The following CUL2 variants were observed in gnomAD, a reference collection of about 807,000 sequenced individuals.
CUL2 encodes the protein cullin 2.
CUL2 carries 22 observed loss-of-function variants against 110.2 expected under a neutral mutation model. That is an observed-to-expected ratio of 0.20 (90% CI 0.14 to 0.28). The LOEUF (loss-of-function observed/expected upper bound fraction) is 0.28, where lower values mean the gene tolerates loss of function less well. Ranked by LOEUF, CUL2 falls within the 10% of genes least tolerant of loss-of-function variation. The pLI is 1.00. For missense variants in CUL2, 631 were observed against 905.5 expected (o/e 0.70, Z 3.89); for synonymous variants, 279 against 293.2 (o/e 0.95, Z 0.49).
rs2086423786 is a variant in CUL2 at position 35,063,040 on chromosome 10, C to A, written c.142G>T (p.Ala48Ser). ...RFSDIYALCV[A>S]YPEPLGERLY... ...CTTTCTCCAAGGGGTTCAGGATAGG[C>A]CACACATAAAGCATAGATATCTCTA... Residue 48 changes from alanine to serine, a missense_variant, in exon 3 of 21, where the codon GCC becomes TCC. By Grantham distance (99) the Ala-to-Ser change is moderately conservative (BLOSUM62 1). Transcript: ENST00000374749. 1 of 1,599,874 alleles carries A rather than the reference C, an allele frequency of 6.3e-7. No individual in the cohort carries two copies. The highest frequency in any genetic ancestry group is 8.6e-7 in the Non-Finnish European group (1 of 1,168,574).
intron 6 of CUL2, 139 bp from the exon 7 acceptor site, chr10:35,045,007 A>C (rs1588991895): frequency 1.7e-6 from 1 of 573,028 alleles, no homozygotes; most frequent in Non-Finnish European, 3.1e-6. Flanking sequence ...ACATGCATGA[A>C]TCTTAACAAT....
At chr10:35,063,570 A>G (rs1426141760) in intron 2 of CUL2, among the ~76,000 whole-genome samples, 1 of 152,170 alleles carries the variant, frequency 6.6e-6, no homozygotes, top group East Asian at 1.9e-4. Context: ...TTATTCTATC[A>G]GAAGAAATAT....
intron 1 of CUL2, among the ~76,000 whole-genome samples, chr10:35,074,705 C>T (rs138403020): frequency 1.3e-5 from 2 of 152,270 alleles, no homozygotes; most frequent in East Asian, 3.9e-4. Flanking sequence ...AGGCTGGTCT[C>T]GAACTCCTGA....
chr10:35,022,030 T>C (rs183396664), intron 17 of CUL2, among the ~76,000 whole-genome samples: 44 of 152,286 alleles, frequency 2.9e-4, no homozygotes, highest in African/African-American at 9.4e-4. Context: ...TGATATGCCC[T>C]GGGCTGGCCT....
At chr10:35,026,414 CA>C (rs2085336838) in intron 16 of CUL2, among the ~76,000 whole-genome samples, 1 of 152,134 alleles carries the variant, frequency 6.6e-6, no homozygotes, top group African/African-American at 2.4e-5. Flanking sequence ...TGAATCTGGA[CA>C]AAAGCAAAAT....
upstream of CUL2, among the ~76,000 whole-genome samples, chr10:35,095,322 CAAAAAAAAA>C (rs528275472): frequency 9.7e-6 from 1 of 102,922 alleles, no homozygotes; most frequent in African/African-American, 3.4e-5. Context: ...GACTCCATCT[CAAAAAAAAA>C]AAAAAAGAAA....
intron 15 of CUL2, 22 bp from the exon 16 acceptor site, chr10:35,028,909 A>G: frequency 1.4e-6 from 2 of 1,426,750 alleles, no homozygotes; most frequent in South Asian, 1.2e-5. Flanking sequence ...AAAATAAAAT[A>G]AAATAAGCTA....
intron 4 of CUL2, among the ~76,000 whole-genome samples, chr10:35,060,332 C>A (rs2086349704): frequency 6.6e-6 from 1 of 151,994 alleles, no homozygotes; most frequent in African/African-American, 2.4e-5. Context: ...GCAATCCAGG[C>A]AGATGGAACA....
chr10:35,059,539 A>G (rs1394130632), intron 4 of CUL2, among the ~76,000 whole-genome samples: 1 of 152,248 alleles, frequency 6.6e-6, no homozygotes, highest in Non-Finnish European at 1.5e-5. Context: ...AACAGACTAC[A>G]GTATAGCATA....
chr10:35,049,590 G>T, intron 6 of CUL2, 93 bp downstream of exon 6: 1 of 962,428 alleles, frequency 1.0e-6, no homozygotes, highest in Non-Finnish European at 1.6e-6. Context: ...CCAGCCCCAA[G>T]GCTAGTCACT....
intron 4 of CUL2, 140 bp from the exon 5 acceptor site, chr10:35,054,679 A>G (rs1183539205): frequency 8.0e-6 from 4 of 502,080 alleles, no homozygotes; most frequent in Non-Finnish European, 1.0e-5. Flanking sequence ...GAAATGAATT[A>G]TGTAGAGATT....
rs1331614679 is a variant in CUL2 at position 35,085,676 on chromosome 10, G to A, written c.-23+4503C>T. 5.7e-5 allele frequency among the ~76,000 whole-genome samples: 7 copies of A among 123,586 alleles called. No individual in the cohort carries two copies. The Admixed American group carries it at 6.2e-4, about 11-fold the overall frequency. 81.1% of individuals were successfully genotyped at this position (123,586 alleles called of 152,430 possible). Reference sequence around the variant, plus strand: ...GAATGGTGTGAACCCGGGAACCAGAGACACAGCCAGACTCTGTCTCAAAAA... The same window carrying A: ...GAATGGTGTGAACCCGGGAACCAGAAACACAGCCAGACTCTGTCTCAAAAA... On this transcript the variant is annotated intron_variant, in intron 1 of 20. Transcript: ENST00000374749.
chr10:35,083,236 A>C (rs1320948008), intron 1 of CUL2, among the ~76,000 whole-genome samples: 1 of 152,140 alleles, frequency 6.6e-6, no homozygotes, highest in Non-Finnish European at 1.5e-5. Context: ...GTTATAAATA[A>C]AGGGGAAAGG....
At chr10:35,051,997 C>T (rs2086124526) in intron 5 of CUL2, among the ~76,000 whole-genome samples, 1 of 152,162 alleles carries the variant, frequency 6.6e-6, no homozygotes, top group Non-Finnish European at 1.5e-5. Context: ...TCCTACTCTG[C>T]CTTCCAAGTT....
intron 9 of CUL2, among the ~76,000 whole-genome samples, chr10:35,038,435 A>G (rs549235176): frequency 6.8e-6 from 1 of 147,772 alleles, no homozygotes; most frequent in Non-Finnish European, 1.5e-5. Context: ...CTGAGGCAGG[A>G]GAATCACTTG....
intron 1 of CUL2, among the ~76,000 whole-genome samples, chr10:35,079,365 T>A (rs1263902884): frequency 6.6e-6 from 1 of 152,212 alleles, no homozygotes. Flanking sequence ...CCTTCTGTAT[T>A]CCTGAATATG....
chr10:35,098,870 G>T (rs537491448), intron 2 of CUL2, among the ~76,000 whole-genome samples: 1 of 152,256 alleles, frequency 6.6e-6, no homozygotes, highest in Non-Finnish European at 1.5e-5. Flanking sequence ...GGAGGCAGAG[G>T]TTGTAGTGAG....
At chr10:35,012,351 A>G (rs1314526544) in intron 19 of CUL2, among the ~76,000 whole-genome samples, 1 of 152,218 alleles carries the variant, frequency 6.6e-6, no homozygotes, top group African/African-American at 2.4e-5. Flanking sequence ...AGAGGCAATA[A>G]AGGAGGACAC....
intron 2 of CUL2, among the ~76,000 whole-genome samples, chr10:35,067,014 T>C (rs576195536): frequency 1.3e-5 from 2 of 152,038 alleles, no homozygotes; most frequent in East Asian, 1.9e-4. Context: ...ATAGGTGTGG[T>C]AGCGCATGCC....
Sources: gnomAD v4.1 joint callset for allele counts (sites outside exome capture counted in the v4.1 genomes callset) on GRCh38, gnomAD v4.1.1 for gene constraint, MANE v1.5 for transcripts, NCBI Gene and HGNC (gene_info 2026-07-23, HGNC 2026-07-21) for gene names.